Variants in AFF2 observed in about 807,000 individuals in gnomAD.
AFF2 encodes the protein ALF transcription elongation factor 2, also known as AF4/FMR2 family member 2.
Under a neutral mutation model 76.9 loss-of-function variants are expected in AFF2, and 14 were observed. That is an observed-to-expected ratio of 0.18 (90% CI 0.12 to 0.28). The LOEUF is 0.28. Among genes scored for constraint, AFF2 ranks in the 10% least tolerant of loss-of-function variants. AFF2 has a pLI of 1.00. For missense variants in AFF2, 868 were observed against 1,001.1 expected (o/e 0.87, Z 1.79); for synonymous variants, 398 against 366.7 (o/e 1.09, Z -0.98).
intron 1 of AFF2, among the ~76,000 whole-genome samples, chrX:148,551,927 G>A (rs1297460896): frequency 1.8e-5 from 2 of 112,544 alleles, no homozygotes; most frequent in South Asian, 3.7e-4. Context: ...AATCAGGCAC[G>A]TGGGTGCTCC....
chrX:148,788,478 C>G (rs2069851198), intron 3 of AFF2, among the ~76,000 whole-genome samples: 1 of 111,928 alleles, frequency 8.9e-6, no homozygotes, highest in Non-Finnish European at 1.9e-5. Context: ...ATATTGGGGC[C>G]TAAGCCAACA....
chrX:148,881,043 A>G (rs1557278419), intron 7 of AFF2, among the ~76,000 whole-genome samples: 1 of 112,376 alleles, frequency 8.9e-6, no homozygotes, highest in Non-Finnish European at 1.9e-5. Flanking sequence ...AAGTACTTCC[A>G]ACTGGAAGAG....
At position 148,980,729 on chromosome X, in the gene AFF2, C is replaced by G. The variant is rs2072381611; in HGVS notation, c.3571-9C>G. On this transcript the variant is annotated splice_polypyrimidine_tract_variant and intron_variant, in intron 18 of 20. Transcript: ENST00000370460. ...CCTTATTTCCCTTTCTCTTCTCTCTCTCTTTTAGCAAAATGCTTCAAAAGT... is the reference window on the plus strand; with the variant it reads ...CCTTATTTCCCTTTCTCTTCTCTCTGTCTTTTAGCAAAATGCTTCAAAAGT... 1.7e-6 allele frequency: 2 copies of G among 1,190,518 alleles called. No homozygotes were observed. Among genetic ancestry groups the G allele is most frequent in the East Asian group, 3.0e-5 (1 of 33,240 alleles).
At chrX:148,907,516 G>A (rs931685884) in intron 9 of AFF2, among the ~76,000 whole-genome samples, 13 of 111,396 alleles carry the variant, frequency 1.2e-4, no homozygotes, top group Admixed American at 3.8e-4. Context: ...TTAAAGCTGG[G>A]TGTCCGGGGG....
rs997799580 is a variant in AFF2 at position 148,890,122 on chromosome X, C to G, written c.1359+4137C>G. On this transcript the variant is annotated intron_variant, in intron 8 of 20. Transcript: ENST00000370460. ...GGCAAACTTGAATGAAAATGTCTGT[C>G]ATCCTAAAGTTTATTAGCTGTGTGC... Among the ~76,000 whole-genome samples the G allele has an allele frequency of 2.7e-5, 3 of 112,014 alleles. No individual in the cohort carries two copies. In the East Asian group the frequency reaches 8.5e-4, roughly 32 times the overall value.
chrX:148,709,449 G>C (rs782233642), intron 3 of AFF2, among the ~76,000 whole-genome samples: 5 of 111,539 alleles, frequency 4.5e-5, no homozygotes, highest in Non-Finnish European at 9.4e-5. Flanking sequence ...TGCTCACCAA[G>C]GGAAAAACAC....
chrX:148,769,624 G>A (rs527376477), intron 3 of AFF2, among the ~76,000 whole-genome samples: 36 of 110,761 alleles, frequency 3.3e-4, no homozygotes, highest in East Asian at 1.1e-3. Context: ...CTCCTGTTTC[G>A]CTCTGGGGTC....
intron 1 of AFF2, among the ~76,000 whole-genome samples, chrX:148,585,862 AAG>A: frequency 9.2e-6 from 1 of 108,731 alleles, no homozygotes; most frequent in Non-Finnish European, 1.9e-5. Flanking sequence ...AAAAAAGAAA[AAG>A]AAAAGACTGA....
intron 4 of AFF2, among the ~76,000 whole-genome samples, chrX:148,837,005 G>T (rs1160520230): frequency 8.9e-6 from 1 of 111,923 alleles, no homozygotes; most frequent in Non-Finnish European, 1.9e-5. Flanking sequence ...CACAGTATGT[G>T]CATCATGGGT....
At chrX:148,710,164 G>A (rs892805819) in intron 3 of AFF2, among the ~76,000 whole-genome samples, 3 of 111,932 alleles carry the variant, frequency 2.7e-5, no homozygotes, top group East Asian at 2.8e-4. Context: ...TAGAAATTAC[G>A]CATTCAACTA....
At chrX:148,508,849 C>T (rs189142900) in intron 1 of AFF2, among the ~76,000 whole-genome samples, 1 of 111,082 alleles carries the variant, frequency 9.0e-6, no homozygotes, top group African/African-American at 3.3e-5. Flanking sequence ...TTAATCAGGT[C>T]GTAGAAGCTA....
chrX:148,678,653 C>G (rs2054511198), intron 3 of AFF2, among the ~76,000 whole-genome samples: 1 of 112,090 alleles, frequency 8.9e-6, no homozygotes, highest in Non-Finnish European at 1.9e-5. Flanking sequence ...CAGTGTGGAA[C>G]TTGGCCATTT....
chrX:148,600,963 G>T (rs902810602), intron 1 of AFF2, among the ~76,000 whole-genome samples: 1 of 112,937 alleles, frequency 8.9e-6, no homozygotes, highest in Non-Finnish European at 1.9e-5. Context: ...GCCAGTCTTG[G>T]CAAGAAGAGA....
chrX:148,878,393 A>G (rs1430924941), intron 7 of AFF2, among the ~76,000 whole-genome samples: 2 of 112,019 alleles, frequency 1.8e-5, no homozygotes, highest in African/African-American at 6.5e-5. Flanking sequence ...GCCCTGACCC[A>G]GGCCACCAAC....
At chrX:148,604,592 G>T (rs2053656570) in intron 1 of AFF2, among the ~76,000 whole-genome samples, 1 of 110,624 alleles carries the variant, frequency 9.0e-6, no homozygotes, top group South Asian at 3.7e-4. Context: ...TGAAATTACA[G>T]ATTTAAAAAA....
At chrX:148,835,566 C>A (rs782808921) in intron 4 of AFF2, among the ~76,000 whole-genome samples, 1 of 103,901 alleles carries the variant, frequency 9.6e-6, no homozygotes, top group Admixed American at 1.0e-4. Context: ...CACACTGCAA[C>A]CTCCACCTCC....
At chrX:148,953,846 A>G in intron 10 of AFF2, 107 bp downstream of exon 10, 1 of 648,888 alleles carries the variant, frequency 1.5e-6, no homozygotes, top group South Asian at 4.4e-5. Flanking sequence ...CTTTCAGCAC[A>G]ATAATTAATA....
intron 7 of AFF2, among the ~76,000 whole-genome samples, chrX:148,881,483 A>G (rs1296220763): frequency 9.0e-6 from 1 of 111,365 alleles, no homozygotes; most frequent in Non-Finnish European, 1.9e-5. Flanking sequence ...TACGGTCTGG[A>G]TGTTTCCTCT....
At chrX:148,983,953 C>CCAAAAAAAAAAAAAAAAAAAA (rs2072427363) in intron 19 of AFF2, among the ~76,000 whole-genome samples, 1 of 29,124 alleles carries the variant, frequency 3.4e-5, no homozygotes, top group Non-Finnish European at 5.9e-5. Flanking sequence ...GTGAAATAGA[C>CCAAAAAAAAAAAAAAAAAAAA]AAAAAAAAAA....
Sources: gnomAD v4.1 joint callset for allele counts (sites outside exome capture counted in the v4.1 genomes callset) on GRCh38, gnomAD v4.1.1 for gene constraint, MANE v1.5 for transcripts, NCBI Gene and HGNC (gene_info 2026-07-23, HGNC 2026-07-21) for gene names.